Variants in SEMA5A observed in about 807,000 individuals in gnomAD.
The protein encoded by SEMA5A is semaphorin 5A.
In SEMA5A, 55 loss-of-function variants were observed where a neutral mutation model predicts 135.5. The observed-to-expected ratio is 0.41, with a 90% CI of 0.33 to 0.51. The LOEUF (loss-of-function observed/expected upper bound fraction) is 0.51, where lower values mean the gene tolerates loss of function less well. SEMA5A is among the 20% of genes least tolerant of loss of function. The pLI is 0.37. For missense variants in SEMA5A, 1,290 were observed against 1,419.9 expected, an observed-to-expected ratio of 0.91 and a Z score of 1.47; for synonymous variants, 580 against 546.5, an observed-to-expected ratio of 1.06 and a Z score of -0.85.
chr5:9,379,406 G>T (rs752334595), intron 3 of SEMA5A, among the ~76,000 whole-genome samples: 1 of 152,192 alleles, frequency 6.6e-6, no homozygotes, highest in African/African-American at 2.4e-5. Flanking sequence ...GCCATGCAAT[G>T]CTAGATAGAA....
chr5:9,347,201 C>G (rs1753914676), intron 3 of SEMA5A, among the ~76,000 whole-genome samples: 1 of 152,138 alleles, frequency 6.6e-6, no homozygotes, highest in Admixed American at 6.5e-5. Flanking sequence ...TTTAAAAATG[C>G]AAGCAGTGCT....
chr5:9,524,041 T>C (rs2126877619), intron 1 of SEMA5A, among the ~76,000 whole-genome samples: 1 of 152,294 alleles, frequency 6.6e-6, no homozygotes, highest in East Asian at 1.9e-4. Context: ...GGGAGGTGAT[T>C]GGATCATGGG....
At chr5:9,487,916 T>C (rs1379197768) in intron 1 of SEMA5A, among the ~76,000 whole-genome samples, 2 of 152,198 alleles carry the variant, frequency 1.3e-5, no homozygotes, top group Non-Finnish European at 2.9e-5. Flanking sequence ...CTTATTTTTC[T>C]AATACTTATA....
chr5:9,535,311 C>CT (rs1313224475), intron 1 of SEMA5A, among the ~76,000 whole-genome samples: 3 of 152,168 alleles, frequency 2.0e-5, no homozygotes, highest in African/African-American at 7.2e-5. Context: ...GTGATAGAAC[C>CT]TAGGAATTCC....
chr5:9,464,111 C>T (rs1354340759), intron 1 of SEMA5A, among the ~76,000 whole-genome samples: 2 of 152,160 alleles, frequency 1.3e-5, no homozygotes, highest in African/African-American at 4.8e-5. Flanking sequence ...AAGACACCAG[C>T]AGCAGCTCTC....
chr5:9,086,933 G>C (rs1417621459), intron 16 of SEMA5A, among the ~76,000 whole-genome samples: 1 of 152,038 alleles, frequency 6.6e-6, no homozygotes, highest in Non-Finnish European at 1.5e-5. Context: ...ACATTTCTTA[G>C]GTCTTCTTTG....
chr5:9,366,203 T>C (rs1215750639), intron 3 of SEMA5A, among the ~76,000 whole-genome samples: 2 of 152,178 alleles, frequency 1.3e-5, no homozygotes, highest in Non-Finnish European at 2.9e-5. Context: ...GTGCAAATTC[T>C]CAATTGGAAT....
At chr5:9,413,055 A>G (rs557526006) in intron 2 of SEMA5A, among the ~76,000 whole-genome samples, 1 of 152,306 alleles carries the variant, frequency 6.6e-6, no homozygotes, top group East Asian at 1.9e-4. Context: ...AGGAGACAAA[A>G]CAAAATCCTT....
chr5:9,280,723 A>C, intron 5 of SEMA5A: 1 of 260,966 alleles, frequency 3.8e-6, no homozygotes, highest in South Asian at 3.7e-5. Context: ...AAATTTTTAC[A>C]TGGAGGACTC....
chr5:9,218,302 C>T (rs935173940), intron 8 of SEMA5A, among the ~76,000 whole-genome samples: 1 of 152,196 alleles, frequency 6.6e-6, no homozygotes, highest in Non-Finnish European at 1.5e-5. Flanking sequence ...GAAACAAGCA[C>T]AGGCACTGTC....
chr5:9,451,552 G>T (rs531207205), intron 1 of SEMA5A, among the ~76,000 whole-genome samples: 29 of 152,304 alleles, frequency 1.9e-4, no homozygotes, highest in African/African-American at 6.7e-4. Flanking sequence ...GGTGACAGCT[G>T]CTTATCTCAA....
intron 1 of SEMA5A, among the ~76,000 whole-genome samples, chr5:9,515,487 T>C (rs1736459684): frequency 1.3e-5 from 2 of 152,206 alleles, no homozygotes; most frequent in South Asian, 4.1e-4. Context: ...AATGCATGTG[T>C]AATATGGTTA....
At chr5:9,274,370 C>T (rs1282004764) in intron 5 of SEMA5A, among the ~76,000 whole-genome samples, 1 of 152,112 alleles carries the variant, frequency 6.6e-6, no homozygotes, top group Non-Finnish European at 1.5e-5. Context: ...GAGACTTAGA[C>T]TCCTACACGA....
chr5:9,394,517 A>G (rs1756305588), intron 2 of SEMA5A, among the ~76,000 whole-genome samples: 1 of 152,168 alleles, frequency 6.6e-6, no homozygotes, highest in South Asian at 2.1e-4. Context: ...ACTGCCCACC[A>G]AAGTTTCTTG....
intron 5 of SEMA5A, among the ~76,000 whole-genome samples, chr5:9,282,393 C>G (rs146292394): frequency 1.6e-4 from 24 of 152,062 alleles, no homozygotes; most frequent in African/African-American, 5.8e-4. Context: ...TTTGTCTCTG[C>G]GGTTTTCAGT....
intron 5 of SEMA5A, 130 bp from the exon 6 acceptor site, chr5:9,238,020 C>T: frequency 2.7e-6 from 2 of 743,330 alleles, no homozygotes; most frequent in East Asian, 2.6e-5. Flanking sequence ...CATTTTCATA[C>T]TCATAGAATT....
intron 4 of SEMA5A, among the ~76,000 whole-genome samples, chr5:9,321,864 A>G (rs1288317194): frequency 6.6e-6 from 1 of 152,210 alleles, no homozygotes; most frequent in Non-Finnish European, 1.5e-5. Flanking sequence ...ATACACGTGC[A>G]CATGTATGTT....
chr5:9,154,062 A>AATATATATAT (rs1553993746), intron 12 of SEMA5A, among the ~76,000 whole-genome samples: 2 of 68,282 alleles, frequency 2.9e-5, no homozygotes, highest in Non-Finnish European at 6.2e-5. Context: ...AAAAAAAAAA[A>AATATATATAT]ATATATATAT....
chr5:9,077,295 A>G (rs1247822604), intron 16 of SEMA5A, among the ~76,000 whole-genome samples: 4 of 152,192 alleles, frequency 2.6e-5, no homozygotes. Flanking sequence ...TCTGGCTCAT[A>G]GAAGGGGAAA....
Sources: gnomAD v4.1 joint callset for allele counts (sites outside exome capture counted in the v4.1 genomes callset) on GRCh38, gnomAD v4.1.1 for gene constraint, MANE v1.5 for transcripts, NCBI Gene and HGNC (gene_info 2026-07-23, HGNC 2026-07-21) for gene names.